ERBB4: variants seen among roughly 807,000 people sequenced by gnomAD.
The protein encoded by ERBB4 is erb-b2 receptor tyrosine kinase 4, also known as receptor tyrosine-protein kinase erbB-4.
ERBB4 carries 42 observed loss-of-function variants against 158.0 expected under a neutral mutation model. The observed-to-expected ratio is 0.27, with a 90% CI of 0.21 to 0.34. The LOEUF is 0.34. ERBB4 is among the 10% of genes least tolerant of loss of function. The probability of loss-of-function intolerance (pLI) is 1.00; values close to 1 mark genes in which losing one functional copy is unlikely to be tolerated. For missense variants in ERBB4, 1,333 were observed against 1,624.1 expected (o/e 0.82, Z 3.08); for synonymous variants, 583 against 558.7 (o/e 1.04, Z -0.61).
At chr2:212,371,925 G>T (rs1032530175) in intron 1 of ERBB4, among the ~76,000 whole-genome samples, 3 of 152,116 alleles carry the variant, frequency 2.0e-5, no homozygotes, top group African/African-American at 7.2e-5. Flanking sequence ...TTAGTAGCAA[G>T]CTCATTTTAC....
chr2:212,506,463 T>G (rs1045634836), intron 1 of ERBB4, among the ~76,000 whole-genome samples: 1 of 151,742 alleles, frequency 6.6e-6, no homozygotes, highest in Non-Finnish European at 1.5e-5. Context: ...ACAGCCAAAT[T>G]GTGAATGCAA....
At chr2:212,383,264 C>A (rs1023715725) in intron 1 of ERBB4, among the ~76,000 whole-genome samples, 2 of 151,430 alleles carry the variant, frequency 1.3e-5, no homozygotes, top group South Asian at 2.1e-4. Context: ...CCTACCTACA[C>A]CCTACAATTG....
At chr2:212,014,192 A>G (rs910549604) in intron 2 of ERBB4, among the ~76,000 whole-genome samples, 2 of 152,224 alleles carry the variant, frequency 1.3e-5, no homozygotes, top group African/African-American at 4.8e-5. Flanking sequence ...CAGCATTAAC[A>G]AAATAAAGCC....
chr2:212,008,438 A>G (rs2076305500), intron 2 of ERBB4, among the ~76,000 whole-genome samples: 1 of 152,108 alleles, frequency 6.6e-6, no homozygotes, highest in Admixed American at 6.6e-5. Context: ...CATGAAGATG[A>G]ATTAAATATG....
At chr2:212,057,480 C>T (rs1247922187) in intron 2 of ERBB4, among the ~76,000 whole-genome samples, 1 of 152,196 alleles carries the variant, frequency 6.6e-6, no homozygotes, top group Non-Finnish European at 1.5e-5. Context: ...AATATACATA[C>T]TTCTCAGCAC....
intron 2 of ERBB4, among the ~76,000 whole-genome samples, chr2:212,109,260 T>A (rs2079328149): frequency 6.6e-6 from 1 of 152,172 alleles, no homozygotes; most frequent in Non-Finnish European, 1.5e-5. Context: ...CATTTTCCCA[T>A]CTAACAAGGC....
chr2:212,494,657 C>A (rs1419895863), intron 1 of ERBB4, among the ~76,000 whole-genome samples: 1 of 151,984 alleles, frequency 6.6e-6, no homozygotes, highest in Non-Finnish European at 1.5e-5. Context: ...CACTAATGTA[C>A]AAGAATTAAG....
At chr2:211,580,217 G>A (rs945085089) in intron 19 of ERBB4, among the ~76,000 whole-genome samples, 1 of 152,128 alleles carries the variant, frequency 6.6e-6, no homozygotes, top group African/African-American at 2.4e-5. Flanking sequence ...AACCCACAGA[G>A]TGGGAGAAAA....
intron 12 of ERBB4, among the ~76,000 whole-genome samples, chr2:211,685,953 G>A (rs1338129964): frequency 2.0e-5 from 3 of 152,170 alleles, no homozygotes; most frequent in Admixed American, 6.5e-5. Flanking sequence ...ATTAAACTTT[G>A]TAAGTTTTAT....
chr2:211,564,819 A>C (rs2067501397), intron 19 of ERBB4, among the ~76,000 whole-genome samples: 1 of 152,264 alleles, frequency 6.6e-6, no homozygotes, highest in Non-Finnish European at 1.5e-5. Flanking sequence ...CCCAAACTGG[A>C]ACAGGACAAA....
chr2:212,447,799 T>TGTGTGTGC (rs1211347220), intron 1 of ERBB4, among the ~76,000 whole-genome samples: 1 of 152,020 alleles, frequency 6.6e-6, no homozygotes, highest in African/African-American at 2.4e-5. Flanking sequence ...TGTGTGTGTG[T>TGTGTGTGC]GTGTGTGTAT....
At chr2:212,056,178 G>A (rs2077561412) in intron 2 of ERBB4, among the ~76,000 whole-genome samples, 1 of 152,226 alleles carries the variant, frequency 6.6e-6, no homozygotes, top group South Asian at 2.1e-4. Context: ...AAGGGTATCA[G>A]TGATTGAAGA....
rs111859622 is a variant in ERBB4 at position 211,672,968 on chromosome 2, T to G, written c.1716+196A>C. Among the ~76,000 whole-genome samples the G allele has an allele frequency of 6.5e-3, 986 of 152,342 alleles. 12 individuals are homozygous for G. The highest frequency in any genetic ancestry group is 0.022 in the African/African-American group (922 of 41,586). Reference sequence around the variant, plus strand: ...ACTATTTTATATTTTATCTGGAGAATAAATATGTATGACATCGACTTTTTA... The same window carrying G: ...ACTATTTTATATTTTATCTGGAGAAGAAATATGTATGACATCGACTTTTTA... On this transcript the variant is annotated intron_variant, in intron 14 of 27. Coordinates refer to ENST00000342788, the MANE Select transcript of ERBB4 (RefSeq NM_005235.3).
In ERBB4 at chr2:211,580,203, T is replaced by C. The variant is rs549598378; in HGVS notation, c.2302-18115A>G. ...ATTATCCGTTTAAGGAAAAACACAG[T>C]TGAAACCCACAGAGTGGGAGAAAAT... is the stretch of plus-strand genomic sequence containing the variant. On this transcript the variant is annotated intron_variant, in intron 19 of 27. Coordinates refer to ENST00000342788, the MANE Select transcript of ERBB4 (RefSeq NM_005235.3). Among the ~76,000 whole-genome samples the C allele has an allele frequency of 7.2e-5, 11 of 152,204 alleles. 1 individual carries two copies. The highest frequency in any genetic ancestry group is 2.6e-4 in the African/African-American group (11 of 41,540).
chr2:211,977,095 G>A (rs2081629768), intron 2 of ERBB4, among the ~76,000 whole-genome samples: 1 of 152,252 alleles, frequency 6.6e-6, no homozygotes, highest in Middle Eastern at 3.4e-3. Flanking sequence ...ACAAAACCCA[G>A]CTGAGATAGA....
chr2:212,031,791 CA>C (rs1184002562), intron 2 of ERBB4, among the ~76,000 whole-genome samples: 3 of 152,044 alleles, frequency 2.0e-5, no homozygotes, highest in African/African-American at 7.2e-5. Flanking sequence ...ATATGTATCA[CA>C]AAATTTTTAG....
intron 14 of ERBB4, among the ~76,000 whole-genome samples, chr2:211,672,769 C>G (rs1574960731): frequency 6.6e-6 from 1 of 152,240 alleles, no homozygotes; most frequent in East Asian, 1.9e-4. Context: ...TCTCTATAGC[C>G]TATCTTGATG....
At chr2:211,868,344 C>T (rs1227920078) in intron 3 of ERBB4, among the ~76,000 whole-genome samples, 1 of 152,162 alleles carries the variant, frequency 6.6e-6, no homozygotes, top group African/African-American at 2.4e-5. Context: ...TTTAACAATG[C>T]TTCTCTCTTT....
intron 20 of ERBB4, among the ~76,000 whole-genome samples, chr2:211,484,601 A>C (rs1196198175): frequency 6.6e-6 from 1 of 152,230 alleles, no homozygotes; most frequent in Non-Finnish European, 1.5e-5. Context: ...AAAAAATATT[A>C]CCATGAATAA....
Sources: allele counts gnomAD v4.1 joint callset (sites outside exome capture counted in the v4.1 genomes callset), GRCh38; gene constraint gnomAD v4.1.1; transcripts MANE v1.5; gene names NCBI Gene and HGNC (gene_info 2026-07-23, HGNC 2026-07-21).